Variants in SUFU observed in about 807,000 individuals in gnomAD.
The protein encoded by SUFU is SUFU negative regulator of hedgehog signaling, also known as suppressor of fused homolog.
A neutral mutation model predicts 58.9 loss-of-function variants in SUFU; 7 were observed. The ratio of observed to expected loss-of-function variants is 0.12; its 90% CI spans 0.07 to 0.22. SUFU has a LOEUF of 0.22. Ranked by LOEUF, SUFU falls within the 10% of genes least tolerant of loss-of-function variation. The pLI, the probability that SUFU is intolerant of heterozygous loss-of-function variation, is 1.00. For missense variants in SUFU, 451 were observed against 641.3 expected, an observed-to-expected ratio of 0.70 and a Z score of 3.20; for synonymous variants, 232 against 254.8, an observed-to-expected ratio of 0.91 and a Z score of 0.85.
At chr10:102,539,063 C>T (rs2062772053) in intron 2 of SUFU, among the ~76,000 whole-genome samples, 2 of 152,184 alleles carry the variant, frequency 1.3e-5, no homozygotes, top group African/African-American at 4.8e-5. Context: ...TCCCCATTTG[C>T]CTGGGCTTTT....
chr10:102,603,469 CAGGGCACATGCAG>C (rs1225888470), intron 8 of SUFU, among the ~76,000 whole-genome samples: 1 of 152,142 alleles, frequency 6.6e-6, no homozygotes, highest in Non-Finnish European at 1.5e-5. Flanking sequence ...CAGAGAGGGA[CAGGGCACATGCAG>C]GTGTGCACAC....
chr10:102,541,931 G>T (rs2062806532), intron 2 of SUFU, among the ~76,000 whole-genome samples: 1 of 143,070 alleles, frequency 7.0e-6, no homozygotes, highest in African/African-American at 2.6e-5. Flanking sequence ...GCCCAGGCTG[G>T]AGGGCAATGA....
chr10:102,518,789 C>G (rs1029026511), intron 2 of SUFU, among the ~76,000 whole-genome samples: 2 of 151,624 alleles, frequency 1.3e-5, no homozygotes, highest in African/African-American at 4.8e-5. Flanking sequence ...TCAAGCCATC[C>G]CAAAGTGCTG....
chr10:102,573,275 C>A, intron 3 of SUFU: 1 of 630,260 alleles, frequency 1.6e-6, no homozygotes. Context: ...TCTACTTTGG[C>A]CTCACAGCCG....
At chr10:102,523,179 C>T (rs558819713) in intron 2 of SUFU, among the ~76,000 whole-genome samples, 1 of 152,254 alleles carries the variant, frequency 6.6e-6, no homozygotes, top group African/African-American at 2.4e-5. Context: ...AGATAGTGGC[C>T]CTCACAGATC....
chr10:102,575,404 C>T (rs2063203801), intron 3 of SUFU, among the ~76,000 whole-genome samples: 1 of 152,154 alleles, frequency 6.6e-6, no homozygotes, highest in South Asian at 2.1e-4. Context: ...GGTTAAAGGG[C>T]CCCATCTGAT....
chr10:102,583,416 G>C (rs1034859857), intron 3 of SUFU, among the ~76,000 whole-genome samples: 7 of 152,132 alleles, frequency 4.6e-5, no homozygotes, highest in Admixed American at 2.6e-4. Flanking sequence ...CATGCTCAGG[G>C]TGGAACGTGT....
In SUFU at chr10:102,535,505, GAAAAGAAAGAA is replaced by G. The variant is rs1484819711; in HGVS notation, c.318-14452_318-14442del. Among the ~76,000 whole-genome samples, 857 of 150,814 alleles carry G rather than the reference GAAAAGAAAGAA, an allele frequency of 5.7e-3. 5 individuals are homozygous for G. Among genetic ancestry groups the G allele is most frequent in the Non-Finnish European group, 7.6e-3 (514 of 67,632 alleles). ...GTCTCAAAAAAAAAAAAAAGAGAAA[GAAAAGAAAGAA>G]AAAAGAAAGAAATAAGAGCTTTTGT... On this transcript the variant is annotated intron_variant, in intron 2 of 11. Coordinates refer to ENST00000369902, the MANE Select transcript of SUFU (RefSeq NM_016169.4).
chr10:102,632,630 C>T lies in SUFU; in HGVS notation c.*2475C>T, dbSNP rs886046661. 1 of 233,250 alleles carries T rather than the reference C, an allele frequency of 4.3e-6. No homozygotes were observed. Among genetic ancestry groups the T allele is most frequent in the Non-Finnish European group, 8.5e-6 (1 of 118,132 alleles). The allele number at this position is 233,250 out of a possible 1,614,324, so 14.4% of individuals were successfully genotyped here. On this transcript the variant is annotated 3_prime_UTR_variant, in exon 12 of 12. Transcript: ENST00000369902. ...TGCTTGGTGAATGTACCCTTTCTTT[C>T]CCTCCCTGCAGCTCTGAGGGAGCCC... is the stretch of plus-strand genomic sequence containing the variant.
chr10:102,602,571 C>G (rs2063524344), intron 8 of SUFU, among the ~76,000 whole-genome samples: 1 of 152,234 alleles, frequency 6.6e-6, no homozygotes, highest in Non-Finnish European at 1.5e-5. Context: ...ATAATTGGCT[C>G]ATTTATACCA....
intron 8 of SUFU, among the ~76,000 whole-genome samples, chr10:102,612,216 CAT>C (rs1491266251): frequency 2.7e-5 from 3 of 109,162 alleles, no homozygotes; most frequent in Non-Finnish European, 3.8e-5. Flanking sequence ...TGTGCACGCG[CAT>C]GTGTGTGTGT....
At chr10:102,579,808 C>T in intron 3 of SUFU, 1 of 985,340 alleles carries the variant, frequency 1.0e-6, no homozygotes. Context: ...ACCAAACACT[C>T]AAATGAACTT....
At chr10:102,605,375 C>G (rs997684887) in intron 8 of SUFU, among the ~76,000 whole-genome samples, 1 of 152,124 alleles carries the variant, frequency 6.6e-6, no homozygotes, top group East Asian at 1.9e-4. Context: ...GGTGTGGTGG[C>G]ACATGCCTGT....
At position 102,629,725 on chromosome 10, in the gene SUFU, AG is replaced by A. The variant is rs1208907321; in HGVS notation, c.1366-340del. ...GACCCTCCCCCAGCCCCCATCCTCC[AG>A]CCCCAGGGCCTCAGGGAGCAGATTC... On this transcript the variant is annotated intron_variant, in intron 11 of 11. Transcript: ENST00000369902. This position sits in a 1 kb window ranked among gnomAD's most constrained non-coding sequence, Gnocchi z 4.7. Among the ~76,000 whole-genome samples, 1 of 152,114 alleles carries A rather than the reference AG, an allele frequency of 6.6e-6. No homozygotes were observed. The highest frequency in any genetic ancestry group is 1.5e-5 in the Non-Finnish European group (1 of 68,002).
chr10:102,512,959 T>G (rs528022093), intron 2 of SUFU, among the ~76,000 whole-genome samples: 1 of 151,866 alleles, frequency 6.6e-6, no homozygotes, highest in African/African-American at 2.4e-5. Context: ...CCCTAGCTGC[T>G]TGGGGGGCTG....
chr10:102,575,457 G>A (rs1306631510), intron 3 of SUFU, among the ~76,000 whole-genome samples: 1 of 152,168 alleles, frequency 6.6e-6, no homozygotes, highest in Non-Finnish European at 1.5e-5. Flanking sequence ...GAGTCCCAGG[G>A]ACATCACATG....
intron 8 of SUFU, among the ~76,000 whole-genome samples, chr10:102,608,127 G>C (rs2063581022): frequency 6.6e-6 from 1 of 151,872 alleles, no homozygotes; most frequent in Non-Finnish European, 1.5e-5. Context: ...GGGAGGCTGA[G>C]GTGGGAGAAT....
chr10:102,631,346 CCT>C lies in SUFU; in HGVS notation c.*1195_*1196del, dbSNP rs1156866299. On this transcript the variant is annotated 3_prime_UTR_variant, in exon 12 of 12. Transcript: ENST00000369902. ...ATCCCTCTCCTTTCTGGCATCCTGGCCTCTCGTGGTCCTCAGCCCCTCACCCC... is the reference window on the plus strand; with the variant it reads ...ATCCCTCTCCTTTCTGGCATCCTGGCCTCGTGGTCCTCAGCCCCTCACCCC... The C allele has an allele frequency of 2.1e-5, 5 of 233,708 alleles. No homozygotes were observed. The Admixed American group carries it at 2.8e-4, about 13-fold the overall frequency. 14.5% of individuals were successfully genotyped at this position (233,708 alleles called of 1,614,324 possible).
intron 3 of SUFU, among the ~76,000 whole-genome samples, chr10:102,573,645 A>C (rs2063184597): frequency 6.6e-6 from 1 of 152,248 alleles, no homozygotes; most frequent in Non-Finnish European, 1.5e-5. Context: ...AGCCTTAATA[A>C]AAGGAAGGAA....
Sources: allele counts gnomAD v4.1 joint callset (sites outside exome capture counted in the v4.1 genomes callset), GRCh38; gene constraint gnomAD v4.1.1; non-coding constraint Gnocchi (gnomAD v3.1); transcripts MANE v1.5; gene names NCBI Gene and HGNC (gene_info 2026-07-23, HGNC 2026-07-21).